The following NEK6 variants were observed in gnomAD, a reference collection of about 807,000 sequenced individuals.
NEK6 encodes serine/threonine-protein kinase Nek6.
NEK6 carries 27 observed loss-of-function variants against 43.5 expected under a neutral mutation model. The ratio of observed to expected loss-of-function variants is 0.62; its 90% CI spans 0.46 to 0.86. NEK6 has a LOEUF of 0.86. Ranked by LOEUF, NEK6 falls within the 40% of genes least tolerant of loss-of-function variation. The probability of loss-of-function intolerance (pLI) is 0.00; values close to 1 mark genes in which losing one functional copy is unlikely to be tolerated. For missense variants in NEK6, 318 were observed against 414.4 expected, an observed-to-expected ratio of 0.77 and a Z score of 2.02; for synonymous variants, 167 against 164.1, an observed-to-expected ratio of 1.02 and a Z score of -0.14.
intron 1 of NEK6, among the ~76,000 whole-genome samples, chr9:124,277,460 G>T (rs995449808): frequency 2.0e-5 from 3 of 152,006 alleles, no homozygotes; most frequent in African/African-American, 7.2e-5. Context: ...ACAAAACAAA[G>T]AATCCTCAGC....
At chr9:124,261,275 T>C (rs767395674) in intron 1 of NEK6, 13 of 428,078 alleles carry the variant, frequency 3.0e-5, no homozygotes, top group Non-Finnish European at 4.1e-5. Flanking sequence ...AAAGGGCTGC[T>C]GTTCACATTT....
chr9:124,263,555 A>G (rs947667971), intron 1 of NEK6, among the ~76,000 whole-genome samples: 17 of 152,262 alleles, frequency 1.1e-4, no homozygotes, highest in Non-Finnish European at 2.4e-4. Flanking sequence ...CTTGATGCTC[A>G]TTCCCCAAGA....
chr9:124,298,120 C>T (rs963126389), intron 1 of NEK6, among the ~76,000 whole-genome samples: 3 of 152,204 alleles, frequency 2.0e-5, no homozygotes, highest in African/African-American at 7.2e-5. Flanking sequence ...GCCTCGGTTT[C>T]CCCATCTATA....
At chr9:124,322,467 C>T (rs1834116264) in intron 5 of NEK6, among the ~76,000 whole-genome samples, 1 of 152,226 alleles carries the variant, frequency 6.6e-6, no homozygotes, top group South Asian at 2.1e-4. Flanking sequence ...ATGCGTCCCT[C>T]ACTGAGTCCC....
rs553785303 is a variant in NEK6 at position 124,319,570 on chromosome 9, G to A, written c.295-1889G>A. The stretch of plus-strand genomic sequence containing the variant: ...AGGTATTTCCTAGGTTTTCTTCTAG[G>A]ATTTTTATAGTTTGAGGTCTTACAT... On this transcript the variant is annotated intron_variant, in intron 4 of 9. Transcript: ENST00000320246. Among the ~76,000 whole-genome samples, 23 of 152,278 alleles carry A rather than the reference G, an allele frequency of 1.5e-4. No individual in the cohort carries two copies. In the South Asian group the frequency reaches 2.7e-3, roughly 18 times the overall value.
chr9:124,282,768 T>C (rs1175460962), intron 1 of NEK6, among the ~76,000 whole-genome samples: 2 of 152,182 alleles, frequency 1.3e-5, no homozygotes, highest in Non-Finnish European at 2.9e-5. Context: ...TTCAGCACGA[T>C]GTTTTTTAAA....
chr9:124,285,816 T>G (rs1346131811), intron 1 of NEK6, among the ~76,000 whole-genome samples: 1 of 152,198 alleles, frequency 6.6e-6, no homozygotes, highest in Non-Finnish European at 1.5e-5. Flanking sequence ...CCACCTCTAT[T>G]GGGCAGCATA....
At chr9:124,288,431 C>T (rs1327663589) in intron 1 of NEK6, among the ~76,000 whole-genome samples, 1 of 152,026 alleles carries the variant, frequency 6.6e-6, no homozygotes, top group African/African-American at 2.4e-5. Context: ...TACAGGTACC[C>T]GCCCCCACAC....
chr9:124,350,814 A>T (rs369486284), intron 9 of NEK6, 23 bp from the exon 10 acceptor site: 3 of 1,560,316 alleles, frequency 1.9e-6, no homozygotes, highest in Non-Finnish European at 2.6e-6. Context: ...CTTGAGAATA[A>T]CACACCATTC....
chr9:124,303,491 C>A (rs1833099598), intron 2 of NEK6, among the ~76,000 whole-genome samples: 1 of 152,214 alleles, frequency 6.6e-6, no homozygotes, highest in Non-Finnish European at 1.5e-5. Context: ...AAGCCATGCT[C>A]CCTGGTGGAC....
chr9:124,336,042 C>T (rs945627570), intron 7 of NEK6, among the ~76,000 whole-genome samples: 4 of 152,102 alleles, frequency 2.6e-5, no homozygotes, highest in Non-Finnish European at 5.9e-5. Context: ...AGTTTGAGAC[C>T]AGCCTGGCCA....
At chr9:124,333,984 A>G (rs375986078) in intron 7 of NEK6, among the ~76,000 whole-genome samples, 3 of 151,994 alleles carry the variant, frequency 2.0e-5, no homozygotes, top group Admixed American at 6.6e-5. Flanking sequence ...TCACCATGTT[A>G]GCCAGGATGG....
chr9:124,318,655 CTTTAT>C lies in NEK6; in HGVS notation c.295-2795_295-2791del, dbSNP rs573562812. On this transcript the variant is annotated intron_variant, in intron 4 of 9. Transcript: ENST00000320246. ...TCACTGTTCATGTCCTCTTCCTACT[CTTTAT>C]TTTATTTTTATTTATTTATTTTTTA... Among the ~76,000 whole-genome samples the C allele has an allele frequency of 4.2e-3, 636 of 152,112 alleles. 20 individuals are homozygous for C. The highest frequency in any genetic ancestry group is 1.1e-3 in the Non-Finnish European group (75 of 67,998).
At chr9:124,332,013 C>T (rs2130988139) in intron 7 of NEK6, among the ~76,000 whole-genome samples, 1 of 152,314 alleles carries the variant, frequency 6.6e-6, no homozygotes, top group East Asian at 1.9e-4. Flanking sequence ...CGGTGGCAGT[C>T]ACAGGTCTGC....
intron 4 of NEK6, among the ~76,000 whole-genome samples, chr9:124,320,451 C>T (rs1452510653): frequency 6.6e-6 from 1 of 151,870 alleles, no homozygotes; most frequent in African/African-American, 2.4e-5. Context: ...CATCCTTCTC[C>T]CAACGACTTC....
chr9:124,292,374 T>A (rs1832464538), intron 1 of NEK6: 2 of 1,514,046 alleles, frequency 1.3e-6, no homozygotes, highest in East Asian at 4.9e-5. Context: ...CCAGAACTTC[T>A]GAGTTTCCAG....
intron 7 of NEK6, among the ~76,000 whole-genome samples, chr9:124,331,340 GAT>G (rs1175288144): frequency 2.6e-5 from 4 of 151,094 alleles, no homozygotes; most frequent in Non-Finnish European, 1.5e-5. Context: ...CCATTTTACA[GAT>G]TAGGAAACTG....
intron 1 of NEK6, among the ~76,000 whole-genome samples, chr9:124,262,194 A>C (rs1443583352): frequency 1.3e-5 from 2 of 152,194 alleles, no homozygotes; most frequent in Non-Finnish European, 2.9e-5. Flanking sequence ...GGTAATGGCA[A>C]GATAACTTTT....
chr9:124,290,403 T>C (rs893215017), intron 1 of NEK6, among the ~76,000 whole-genome samples: 2 of 152,228 alleles, frequency 1.3e-5, no homozygotes, highest in Admixed American at 6.5e-5. Context: ...TGCTGGCACC[T>C]GGCATGTGCC....
Sources: allele counts gnomAD v4.1 joint callset (sites outside exome capture counted in the v4.1 genomes callset), GRCh38; gene constraint gnomAD v4.1.1; transcripts MANE v1.5; gene names NCBI Gene and HGNC (gene_info 2026-07-23, HGNC 2026-07-21).